ZNF35: variants seen among roughly 807,000 people sequenced by gnomAD.
ZNF35 encodes zinc finger protein 35 (clone HF.10).
ZNF35 carries 31 observed loss-of-function variants against 45.9 expected under a neutral mutation model. The observed-to-expected ratio is 0.68, with a 90% CI of 0.51 to 0.91. The LOEUF (loss-of-function observed/expected upper bound fraction) is 0.91, where lower values mean the gene tolerates loss of function less well. Among genes scored for constraint, ZNF35 ranks in the 40% least tolerant of loss-of-function variants. ZNF35 has a pLI of 0.00. For missense variants in ZNF35, 515 were observed against 625.4 expected (o/e 0.82, Z 1.88); for synonymous variants, 205 against 220.2 (o/e 0.93, Z 0.61).
chr3:44,653,061 G>A (rs1342240816), intron 3 of ZNF35, among the ~76,000 whole-genome samples: 1 of 152,168 alleles, frequency 6.6e-6, no homozygotes, highest in East Asian at 1.9e-4. Flanking sequence ...ACTGGGCACG[G>A]GAGAACCACA....
At chr3:44,656,551 CACCT>C (rs1703309065) in intron 3 of ZNF35, among the ~76,000 whole-genome samples, 1 of 151,992 alleles carries the variant, frequency 6.6e-6, no homozygotes, top group African/African-American at 2.4e-5. Context: ...CCACAACACC[CACCT>C]ATTTTTTTTG....
In ZNF35 at chr3:44,659,038, CGT is replaced by C. The variant is rs1703357368; in HGVS notation, c.681_682del (p.Cys227TrpfsTer5). 1 of 1,614,168 alleles carries C rather than the reference CGT, an allele frequency of 6.2e-7. No homozygotes were observed. Among genetic ancestry groups the C allele is most frequent in the Non-Finnish European group, 8.5e-7 (1 of 1,180,034 alleles). On this transcript the variant is annotated frameshift_variant, in exon 4 of 4. Transcript: ENST00000396056. LOFTEE classifies it high-confidence loss of function. The surrounding 1 kb of genome is among the most constrained non-coding windows in gnomAD (Gnocchi z 4.3). ...TTGGACAAAAGCCTTTTACGTGTAG[CGT>C]GTGTGGGAAAGGATTTAGTCAGAGT... Reference protein sequence around the residue: ...QLGQKPFTCSVCGKGFSQSAN... With the variant: ...QLGQKPFTCSXCGKGFSQSAN...
At chr3:44,654,993 G>A in intron 3 of ZNF35, among the ~76,000 whole-genome samples, 1 of 152,038 alleles carries the variant, frequency 6.6e-6, no homozygotes, top group East Asian at 1.9e-4. Flanking sequence ...AATTAGCCAG[G>A]CATGGTGGTG....
rs1342880509 is a variant in ZNF35 at position 44,660,415 on chromosome 3, T to C, written c.*468T>C. On this transcript the variant is annotated 3_prime_UTR_variant, in exon 4 of 4. Coordinates refer to ENST00000396056, the MANE Select transcript of ZNF35 (RefSeq NM_003420.4). ...ACCACTTGGGGTAGCAGTTCAACAA[T>C]TCACTTACGAATGTTTATAAGCTTT... 2 of 153,492 alleles carry C rather than the reference T, an allele frequency of 1.3e-5. No individual in the cohort carries two copies. Among genetic ancestry groups the C allele is most frequent in the Non-Finnish European group, 2.9e-5 (2 of 68,964 alleles). 9.5% of individuals were successfully genotyped at this position (153,492 alleles called of 1,614,324 possible). A position where few individuals can be genotyped will look rare whatever the true frequency, so the allele number is the denominator to read the frequency against.
At chr3:44,654,879 A>G (rs1007964309) in intron 3 of ZNF35, among the ~76,000 whole-genome samples, 6 of 152,206 alleles carry the variant, frequency 3.9e-5, no homozygotes, top group African/African-American at 1.4e-4. Flanking sequence ...CAAGCCTGTA[A>G]TCCTAGCACT....
intron 3 of ZNF35, among the ~76,000 whole-genome samples, chr3:44,654,580 A>G (rs1217920247): frequency 6.6e-6 from 1 of 152,222 alleles, no homozygotes; most frequent in Non-Finnish European, 1.5e-5. Flanking sequence ...ATGAAATTGT[A>G]TAATATACAT....
At chr3:44,646,617 G>T, upstream of ZNF35, 2 of 781,102 alleles carry the variant, frequency 2.6e-6, no homozygotes, top group East Asian at 2.6e-5. Context: ...TGATGAAAAA[G>T]AGAGGGGAGT....
intron 3 of ZNF35, among the ~76,000 whole-genome samples, chr3:44,654,394 C>T (rs1703259327): frequency 6.6e-6 from 1 of 152,184 alleles, no homozygotes; most frequent in African/African-American, 2.4e-5. Flanking sequence ...TAAGTCCCTT[C>T]TCTCTCTGGA....
chr3:44,652,780 C>A, intron 3 of ZNF35, 79 bp downstream of exon 3: 1 of 1,420,512 alleles, frequency 7.0e-7, no homozygotes, highest in Non-Finnish European at 9.4e-7. Flanking sequence ...GGCATCCAGT[C>A]TCCTAGGTTG....
rs1386282209 is a variant in ZNF35, at chr3:44,658,792, G to T, written c.429G>T (p.Gln143His). 1.2e-6 allele frequency: 2 copies of T among 1,610,790 alleles called. No homozygotes were observed. The highest frequency in any genetic ancestry group is 2.7e-5 in the African/African-American group (2 of 74,608). Residue 143 changes from glutamine to histidine, a missense_variant, in exon 4 of 4, where the codon CAG (glutamine) becomes CAT (histidine). This residue lies in a region of ZNF35 where 275 missense variants were observed against 295.7 expected (regional missense o/e 0.93). Transcript: ENST00000396056. Reference protein sequence around the residue: ...EKPLIISERIQKADPQGPELG... With the variant: ...EKPLIISERIHKADPQGPELG... ...CCCTCATCATATCAGAAAGAATCCA[G>T]AAAGCTGATCCTCAAGGACCTGAGT...
In ZNF35 at chr3:44,650,975, CAAG is replaced by C. The variant is rs1703191390; in HGVS notation, c.-86_-84del. On this transcript the variant is annotated 5_prime_UTR_variant, in exon 2 of 4. Transcript: ENST00000396056. ...CTCATCTTGGCCCTGGGAAGAAACT[CAAG>C]AAGAAGCTTTTGAAACATAAAGCTT... 6.9e-6 allele frequency: 9 copies of C among 1,303,596 alleles called. No individual in the cohort carries two copies. The highest frequency in any genetic ancestry group is 2.6e-5 in the Admixed American group (1 of 38,016). The allele number at this position is 1,303,596 out of a possible 1,614,324, so 80.8% of individuals were successfully genotyped here.
At position 44,659,123 on chromosome 3, in the gene ZNF35, G is replaced by A; in HGVS notation, c.760G>A (p.Glu254Lys). ...HTGEKPFECH[E>K]CGKAFIQSAN... is the part of the protein sequence containing the mutation. ...TGGAGAGAAACCCTTTGAATGTCAT[G>A]AGTGTGGGAAGGCCTTCATTCAGAG... Residue 254 changes from glutamate (E) to lysine (K), a missense_variant, in exon 4 of 4, where the codon GAG becomes AAG. Glu to Lys is a moderately conservative substitution (Grantham distance 56, BLOSUM62 1). Around this residue, in one of 3 missense-constraint regions of ZNF35, gnomAD observed 275 missense variants for 295.7 expected, o/e 0.93. Transcript: ENST00000396056. The surrounding 1 kb of genome is among the most constrained non-coding windows in gnomAD (Gnocchi z 4.3). 5 of 1,614,156 alleles carry A rather than the reference G, an allele frequency of 3.1e-6. No individual in the cohort carries two copies. Among genetic ancestry groups the A allele is most frequent in the Non-Finnish European group, 4.2e-6 (5 of 1,180,022 alleles).
Position 44,659,031 on chromosome 3 carries a change from C to T in ZNF35, c.668C>T (p.Thr223Met), listed in dbSNP as rs750064286. ...ACCCAGCTTGGACAAAAGCCTTTTA[C>T]GTGTAGCGTGTGTGGGAAAGGATTT... ...PKTQLGQKPF[T>M]CSVCGKGFSQ... is the part of the protein sequence containing the mutation. Residue 223 changes from threonine to methionine, a missense_variant, in exon 4 of 4, where the codon ACG (threonine) becomes ATG (methionine). By Grantham distance (81) the Thr-to-Met change is moderately conservative. Coordinates refer to ENST00000396056, the MANE Select transcript of ZNF35 (RefSeq NM_003420.4). The surrounding 1 kb of genome is among the most constrained non-coding windows in gnomAD (Gnocchi z 4.3). 6 of 1,614,196 alleles carry T rather than the reference C, an allele frequency of 3.7e-6. No individual in the cohort carries two copies. Among genetic ancestry groups the T allele is most frequent in the Admixed American group, 1.7e-5 (1 of 60,022 alleles).
At chr3:44,652,526 C>T (rs761405179) in intron 2 of ZNF35, 31 bp from the exon 3 acceptor site, 2 of 1,509,302 alleles carry the variant, frequency 1.3e-6, no homozygotes, top group Non-Finnish European at 1.8e-6. Context: ...ACCACCAGTT[C>T]CCTCTTAAAC....
Position 44,659,402 on chromosome 3 carries a change from T to C in ZNF35, c.1039T>C (p.Ser347Pro). 6.2e-7 allele frequency: 1 copy of C among 1,613,198 alleles called. No homozygotes were observed. Among genetic ancestry groups the C allele is most frequent in the Non-Finnish European group, 8.5e-7 (1 of 1,179,650 alleles). The change falls in exon 4 of 4, where the codon TCA becomes CCA. Residue 347 changes from serine to proline, a missense_variant. This residue lies in a region of ZNF35 where 232 missense variants were observed against 304.6 expected (regional missense o/e 0.76). Coordinates refer to ENST00000396056, the MANE Select transcript of ZNF35 (RefSeq NM_003420.4). This position sits in a 1 kb window ranked among gnomAD's most constrained non-coding sequence, Gnocchi z 4.3. ...NECGKTFTRSSNLIVHQRIHT... is the reference protein window; with the variant it reads ...NECGKTFTRSPNLIVHQRIHT... Reference sequence around the variant, plus strand: ...ATGTGGGAAAACATTTACTAGGAGCTCAAACCTCATTGTCCACCAGAGGAT... The same window carrying C: ...ATGTGGGAAAACATTTACTAGGAGCCCAAACCTCATTGTCCACCAGAGGAT...
intron 1 of ZNF35, among the ~76,000 whole-genome samples, chr3:44,650,108 A>T (rs1408628666): frequency 6.6e-6 from 1 of 152,022 alleles, no homozygotes; most frequent in Non-Finnish European, 1.5e-5. Context: ...TGTGTAGGTT[A>T]TATATTTAAT....
chr3:44,647,456 T>A (rs1703021215), upstream of ZNF35: 1 of 152,166 alleles, frequency 6.6e-6, no homozygotes, highest in Non-Finnish European at 1.5e-5. Context: ...TGAGCATTTA[T>A]CCCAGAGAAA....
At chr3:44,658,298 C>A (rs1575518013) in intron 3 of ZNF35, among the ~76,000 whole-genome samples, 1 of 152,210 alleles carries the variant, frequency 6.6e-6, no homozygotes, top group Non-Finnish European at 1.5e-5. Context: ...AGCAAATCCA[C>A]ACTAAGTAGC....
chr3:44,652,904 C>G (rs1279988162), intron 3 of ZNF35, among the ~76,000 whole-genome samples: 1 of 152,160 alleles, frequency 6.6e-6, no homozygotes, highest in East Asian at 1.9e-4. Flanking sequence ...GCTCAAGACA[C>G]TAGACAAACA....
Sources: allele counts gnomAD v4.1 joint callset (sites outside exome capture counted in the v4.1 genomes callset), GRCh38; gene constraint gnomAD v4.1.1; regional missense constraint gnomAD v4.1.1; non-coding constraint Gnocchi (gnomAD v3.1); transcripts MANE v1.5; gene names NCBI Gene and HGNC (gene_info 2026-07-23, HGNC 2026-07-21).